Variants in SLC22A23 observed in about 807,000 individuals in gnomAD.
The protein encoded by SLC22A23 is ion transporter protein.
Under a neutral mutation model 61.0 loss-of-function variants are expected in SLC22A23, and 26 were observed. The observed-to-expected ratio is 0.43, with a 90% confidence interval of 0.31 to 0.59. SLC22A23 has a LOEUF of 0.59. Ranked by LOEUF, SLC22A23 falls within the 20% of genes least tolerant of loss-of-function variation. The pLI, the probability that SLC22A23 is intolerant of heterozygous loss-of-function variation, is 0.11. For missense variants in SLC22A23, 796 were observed against 934.7 expected (o/e 0.85, Z 1.94); for synonymous variants, 430 against 413.9 (o/e 1.04, Z -0.47).
At chr6:3,381,551 G>A (rs1310288777) in intron 3 of SLC22A23, among the ~76,000 whole-genome samples, 3 of 152,122 alleles carry the variant, frequency 2.0e-5, no homozygotes, top group South Asian at 2.1e-4. Flanking sequence ...AAACCATGTC[G>A]CAGAGAAGAG....
chr6:3,296,349 C>A (rs1761093801), intron 5 of SLC22A23, among the ~76,000 whole-genome samples: 1 of 152,246 alleles, frequency 6.6e-6, no homozygotes. Flanking sequence ...CCCTGCTGGA[C>A]AAGTCCTCGC....
At chr6:3,302,385 T>C (rs140480964) in intron 4 of SLC22A23, among the ~76,000 whole-genome samples, 31 of 152,344 alleles carry the variant, frequency 2.0e-4, no homozygotes, top group Middle Eastern at 6.8e-3. Flanking sequence ...AACCAACTTT[T>C]TGTTTCATTG....
intron 9 of SLC22A23, among the ~76,000 whole-genome samples, chr6:3,274,548 T>G (rs1282618063): frequency 6.6e-6 from 1 of 152,030 alleles, no homozygotes; most frequent in African/African-American, 2.4e-5. Context: ...GAAAGGGAGG[T>G]CCCTGCAACA....
intron 4 of SLC22A23, among the ~76,000 whole-genome samples, chr6:3,305,119 C>T (rs1304021552): frequency 6.6e-6 from 1 of 152,190 alleles, no homozygotes; most frequent in Non-Finnish European, 1.5e-5. Flanking sequence ...ACTGTCCCAC[C>T]AGTGTCCCCC....
intron 3 of SLC22A23, among the ~76,000 whole-genome samples, chr6:3,338,136 C>CT (rs1365827237): frequency 6.6e-6 from 1 of 152,216 alleles, no homozygotes; most frequent in East Asian, 1.9e-4. Context: ...TTTACTGCTC[C>CT]TAGAAGCCCG....
chr6:3,406,137 T>TG (rs1344575339), intron 3 of SLC22A23, among the ~76,000 whole-genome samples: 1 of 152,034 alleles, frequency 6.6e-6, no homozygotes, highest in African/African-American at 2.4e-5. Context: ...GTGTAGCTGG[T>TG]GGGGGGCAGT....
At chr6:3,378,077 G>A (rs1466242649) in intron 3 of SLC22A23, 5 of 152,234 alleles carry the variant, frequency 3.3e-5, no homozygotes, top group Admixed American at 2.0e-4. Context: ...AAACCACCAC[G>A]ACGCCACATA....
At chr6:3,405,428 G>A (rs1368183034) in intron 3 of SLC22A23, among the ~76,000 whole-genome samples, 3 of 152,094 alleles carry the variant, frequency 2.0e-5, no homozygotes, top group Non-Finnish European at 2.9e-5. Flanking sequence ...TGGGGAAACC[G>A]GGTGGAGACA....
rs185318966 is a variant in SLC22A23, at chr6:3,352,398, C to A, written c.914-28396G>T. ...ATGCACAGACACACTCACACACAGA[C>A]ACAGCCACAGAAGCTCACCGGCATG... is the stretch of plus-strand genomic sequence containing the variant. On this transcript the variant is annotated intron_variant, in intron 3 of 9. Transcript: ENST00000406686. Among the ~76,000 whole-genome samples the A allele has an allele frequency of 4.1e-4, 62 of 151,982 alleles. 2 individuals carry two copies. In the East Asian group the frequency reaches 0.011, roughly 28 times the overall value.
At chr6:3,278,363 A>C (rs2127294378) in intron 9 of SLC22A23, among the ~76,000 whole-genome samples, 1 of 121,384 alleles carries the variant, frequency 8.2e-6, no homozygotes, top group South Asian at 2.6e-4. Flanking sequence ...TCTGGGCCTG[A>C]AGACGATATG....
intron 2 of SLC22A23, among the ~76,000 whole-genome samples, chr6:3,411,070 G>T (rs888433716): frequency 2.0e-5 from 3 of 152,218 alleles, no homozygotes; most frequent in Non-Finnish European, 2.9e-5. Flanking sequence ...GCCAGTTTCA[G>T]ATCAGTGACC....
In SLC22A23 at chr6:3,317,634, A is replaced by T. The variant is rs1232278696; in HGVS notation, c.1082+6200T>A. ...AATCCCTGCTGCTCTTTACCGAGTG[A>T]CAATCAATGCCTGAGCAAAATGACT... is the stretch of plus-strand genomic sequence containing the variant. On this transcript the variant is annotated intron_variant, in intron 4 of 9. Coordinates refer to ENST00000406686, the MANE Select transcript of SLC22A23 (RefSeq NM_015482.2). This position sits in a 1 kb window ranked among gnomAD's most constrained non-coding sequence, Gnocchi z 4.4. Among the ~76,000 whole-genome samples, 1 of 152,142 alleles carries T rather than the reference A, an allele frequency of 6.6e-6. No homozygotes were observed.
chr6:3,352,180 G>A (rs1187804557), intron 3 of SLC22A23, among the ~76,000 whole-genome samples: 1 of 152,166 alleles, frequency 6.6e-6, no homozygotes, highest in Non-Finnish European at 1.5e-5. Context: ...AGATGTGAGA[G>A]TGCCTCTTGT....
chr6:3,368,366 G>A (rs535870244), intron 3 of SLC22A23, among the ~76,000 whole-genome samples: 135 of 152,258 alleles, frequency 8.9e-4, no homozygotes, highest in Admixed American at 2.2e-3. Context: ...TCAGGGATAC[G>A]GGAGGCCTCT....
At chr6:3,335,612 C>T (rs1328764681) in intron 3 of SLC22A23, among the ~76,000 whole-genome samples, 4 of 152,206 alleles carry the variant, frequency 2.6e-5, no homozygotes, top group African/African-American at 9.7e-5. Context: ...GTATCACATG[C>T]ATGCCCTGCT....
intron 5 of SLC22A23, chr6:3,291,351 G>A (rs570822654): frequency 6.6e-6 from 1 of 152,176 alleles, no homozygotes; most frequent in Middle Eastern, 3.2e-3. Flanking sequence ...AAGAAAAAAT[G>A]TGTTGCTAAA....
intron 1 of SLC22A23, among the ~76,000 whole-genome samples, chr6:3,446,160 G>A (rs903785428): frequency 4.6e-5 from 7 of 152,154 alleles, no homozygotes; most frequent in Admixed American, 3.3e-4. Flanking sequence ...CCTCTGAAAG[G>A]CCAGCGCCAG....
chr6:3,418,918 A>T (rs1769928944), intron 1 of SLC22A23, among the ~76,000 whole-genome samples: 3 of 152,186 alleles, frequency 2.0e-5, no homozygotes, highest in Non-Finnish European at 2.9e-5. Context: ...TCTGGTATTG[A>T]CAAAAATGTG....
intron 3 of SLC22A23, among the ~76,000 whole-genome samples, chr6:3,331,771 A>G (rs1400753686): frequency 6.6e-6 from 1 of 152,234 alleles, no homozygotes; most frequent in Non-Finnish European, 1.5e-5. Context: ...GTCTCCTAGT[A>G]TTTAAAAACA....
Sources: gnomAD v4.1 joint callset for allele counts (sites outside exome capture counted in the v4.1 genomes callset) on GRCh38, gnomAD v4.1.1 for gene constraint, Gnocchi (gnomAD v3.1) non-coding constraint, MANE v1.5 for transcripts, NCBI Gene and HGNC (gene_info 2026-07-23, HGNC 2026-07-21) for gene names.